SELENON: variants seen among roughly 807,000 people sequenced by gnomAD.
SELENON encodes the protein selenoprotein N, also known as selenoprotein N, 1.
In SELENON, 44 loss-of-function variants were observed where a neutral mutation model predicts 59.5. That is an observed-to-expected ratio of 0.74 (90% confidence interval 0.58 to 0.95). SELENON has a LOEUF of 0.95. Ranked by LOEUF, SELENON falls within the 40% of genes least tolerant of loss-of-function variation. The pLI is 0.00. For missense variants in SELENON, 674 were observed against 721.4 expected (o/e 0.93, Z 0.75); for synonymous variants, 320 against 305.6 (o/e 1.05, Z -0.49).
intron 10 of SELENON, 21 bp from the exon 10 acceptor site, chr1:25,813,860 C>T (rs368403130): frequency 2.5e-6 from 4 of 1,602,036 alleles, no homozygotes; most frequent in Middle Eastern, 1.7e-4. Flanking sequence ...GGGCGCCTCA[C>T]CCTTCTGTCT....
At chr1:25,812,654 T>C (rs2047975525) in intron 9 of SELENON, 33 bp from the exon 9 acceptor site, 3 of 1,575,504 alleles carry the variant, frequency 1.9e-6, no homozygotes, top group Non-Finnish European at 1.7e-6. Context: ...GCCGCTTTGA[T>C]GATGGCTTCG....
Position 25,814,130 on chromosome 1 carries a change from G to T in SELENON, c.1554G>T (p.Lys518Asn). ...AGCTGGCTGGCCTGCACCTGGAGAAGTACAGCTTCCCCGTGGAGATGATGA... is the reference window on the plus strand; with the variant it reads ...AGCTGGCTGGCCTGCACCTGGAGAATTACAGCTTCCCCGTGGAGATGATGA... Residue 518 changes from lysine to asparagine, a missense_variant, in exon 12 of 13, where the codon AAG becomes AAT. Transcript: ENST00000361547. 1 of 1,614,208 alleles carries T rather than the reference G, an allele frequency of 6.2e-7. No individual in the cohort carries two copies. The highest frequency in any genetic ancestry group is 1.1e-5 in the South Asian group (1 of 91,086).
chr1:25,805,417 T>C, intron 4 of SELENON, 142 bp downstream of exon 3: 1 of 1,141,636 alleles, frequency 8.8e-7, no homozygotes, highest in South Asian at 1.3e-5. Context: ...ATGTTGTCCC[T>C]GCTGTCCAGG....
At chr1:25,806,503 G>A (rs2124443831) in intron 4 of SELENON, among the ~76,000 whole-genome samples, 1 of 152,264 alleles carries the variant, frequency 6.6e-6, no homozygotes, top group Middle Eastern at 3.4e-3. Flanking sequence ...GCTCCTCATG[G>A]ACAGTGGGTG....
Position 25,814,280 on chromosome 1 carries a change from T to C in SELENON, c.1602+102T>C, listed in dbSNP as rs2047992274. 1.1e-5 allele frequency: 9 copies of C among 855,304 alleles called. No individual in the cohort carries two copies. In the Admixed American group the frequency reaches 1.8e-4, roughly 17 times the overall value. The allele number at this position is 855,304 out of a possible 1,614,324, so 53.0% of individuals were successfully genotyped here. ...TGCAGACTTCATCAGGCTTCGGGAC[T>C]GTCCCTGCCACTTCCTGGCTGCAAA... On this transcript the variant is annotated intron_variant, in intron 12 of 12. Transcript: ENST00000361547.
In SELENON at chr1:25,817,802, G is replaced by C. The variant is rs1203022563; in HGVS notation, c.*2084G>C. ...GTGGAAAGGAAGGCCTTTCAAACCA[G>C]AGTGTCTCACTCCCCTCTGACCTCC... On this transcript the variant is annotated 3_prime_UTR_variant, in exon 13 of 13. Transcript: ENST00000361547. The C allele has an allele frequency of 6.6e-6, 1 of 152,274 alleles. No individual in the cohort carries two copies. The highest frequency in any genetic ancestry group is 2.4e-5 in the African/African-American group (1 of 41,450). The allele number at this position is 152,274 out of a possible 1,614,324, so 9.4% of individuals were successfully genotyped here. A position where few individuals can be genotyped will look rare whatever the true frequency, so the allele number is the denominator to read the frequency against.
In SELENON at chr1:25,805,107, A is replaced by G. The variant is rs772622182; in HGVS notation, c.404-35A>G. ...GAGGGAGAGGTGAGCCCTGTAGCAT[A>G]AGGGCAGTGCCTCTCCGATGTCTGT... On this transcript the variant is annotated intron_variant, in intron 3 of 12. Coordinates refer to ENST00000361547, the MANE Select transcript of SELENON (RefSeq NM_020451.3). The G allele has an allele frequency of 6.2e-6, 10 of 1,611,678 alleles. No homozygotes were observed. In the South Asian group the frequency reaches 1.1e-4, roughly 18 times the overall value.
chr1:25,809,196 C>T (rs369765850), intron 6 of SELENON, 46 bp downstream of exon 5: 51 of 1,612,094 alleles, frequency 3.2e-5, no homozygotes, highest in African/African-American at 4.0e-5. Context: ...GGAGGCATGA[C>T]GGTACAGCGC....
At chr1:25,812,556 TACACACAAACACACACACACACACAC>T (rs1387172624) in intron 9 of SELENON, 105 bp from the exon 9 acceptor site, 11 of 527,904 alleles carry the variant, frequency 2.1e-5, no homozygotes, top group African/African-American at 2.0e-4. Context: ...TATATATGCC[TACACACAAACACACACACACACACAC>T]ACACACACAC....
Position 25,802,023 on chromosome 1 carries a change from T to C in SELENON, c.309T>C (p.Cys103=). The C allele has an allele frequency of 7.8e-6, 2 of 256,148 alleles. No individual in the cohort carries two copies. Among genetic ancestry groups the C allele is most frequent in the South Asian group, 7.1e-5 (2 of 28,326 alleles). The allele number at this position is 256,148 out of a possible 1,614,324, so 15.9% of individuals were successfully genotyped here. A position where few individuals can be genotyped will look rare whatever the true frequency, so the allele number is the denominator to read the frequency against. Reference sequence around the variant, plus strand: ...TTTTTTTTTTTGAGACAGGGTCTTGTTCTGTCACCCAGACTGGAGTGCAGT... The same window carrying C: ...TTTTTTTTTTTGAGACAGGGTCTTGCTCTGTCACCCAGACTGGAGTGCAGT... Residue 103 remains cysteine, a synonymous_variant, in exon 3 of 13, where the codon TGT becomes TGC. Transcript: ENST00000361547.
At chr1:25,813,454 C>T (rs1175038265) in intron 10 of SELENON, 8 of 353,622 alleles carry the variant, frequency 2.3e-5, no homozygotes, top group East Asian at 1.5e-4. Context: ...GGGGACAGTC[C>T]AGAGTGGCAC....
chr1:25,811,970 G>A (rs1283612457), intron 9 of SELENON, 91 bp downstream of exon 8: 1 of 1,318,894 alleles, frequency 7.6e-7, no homozygotes, highest in Non-Finnish European at 1.1e-6. Flanking sequence ...ACGCTGGTAT[G>A]TGTGCAGGGC....
Position 25,809,018 on chromosome 1 carries a change from G to A in SELENON, c.748-8G>A, listed in dbSNP as rs549094174. ...AGCAAGCCAGTACGTGCCTCCCGCC[G>A]CCCCCAGGTCATCATCCACCGGCTC... is the stretch of plus-strand genomic sequence containing the variant. On this transcript the variant is annotated splice_polypyrimidine_tract_variant and splice_region_variant and intron_variant, in intron 5 of 12. Transcript: ENST00000361547. The A allele has an allele frequency of 2.8e-5, 45 of 1,613,514 alleles. No individual in the cohort carries two copies. Among genetic ancestry groups the A allele is most frequent in the African/African-American group, 1.1e-4 (8 of 75,050 alleles).
intron 9 of SELENON, 131 bp from the exon 9 acceptor site, chr1:25,812,556 T>TACACACAA (rs772476061): frequency 5.7e-6 from 3 of 527,876 alleles, no homozygotes; most frequent in Non-Finnish European, 9.9e-6. Context: ...TATATATGCC[T>TACACACAA]ACACACAAAC....
rs754933685 is a variant in SELENON, at chr1:25,809,167, G to T, written c.872+17G>T. Reference sequence around the variant, plus strand: ...GATGTTCCGGTGAGTGGGCCACACTGGCTGGCCTGGAGCACCGGGGAGGCA... The same window carrying T: ...GATGTTCCGGTGAGTGGGCCACACTTGCTGGCCTGGAGCACCGGGGAGGCA... On this transcript the variant is annotated intron_variant, in intron 6 of 12. Transcript: ENST00000361547. 6.2e-7 allele frequency: 1 copy of T among 1,613,458 alleles called. No individual in the cohort carries two copies.
In SELENON at chr1:25,807,129, A is replaced by G. The variant is rs2047914640; in HGVS notation, c.538-1451A>G. On this transcript the variant is annotated intron_variant, in intron 4 of 12. Coordinates refer to ENST00000361547, the MANE Select transcript of SELENON (RefSeq NM_020451.3). The surrounding 1 kb of genome is among the most constrained non-coding windows in gnomAD (Gnocchi z 4.5). Reference sequence around the variant, plus strand: ...ATAGGGATTACAGGTGTGAGCCACCATGCCCGGCCGGGAGCCCCTTTCTTA... The same window carrying G: ...ATAGGGATTACAGGTGTGAGCCACCGTGCCCGGCCGGGAGCCCCTTTCTTA... Among the ~76,000 whole-genome samples, 1 of 152,082 alleles carries G rather than the reference A, an allele frequency of 6.6e-6. No homozygotes were observed. The highest frequency in any genetic ancestry group is 2.1e-4 in the South Asian group (1 of 4,826).
rs1337830180 is a variant in SELENON at position 25,809,106 on chromosome 1, C to T, written c.828C>T (p.Ala276=). 1.9e-6 allele frequency: 3 copies of T among 1,613,808 alleles called. No individual in the cohort carries two copies. Among genetic ancestry groups the T allele is most frequent in the Non-Finnish European group, 1.7e-6 (2 of 1,180,030 alleles). ...GCTTTGCCCCTCAGGGAGCTGTGGC[C>T]TGCCTGACTGCCATCAGCGACTTCT... Residue 276 remains alanine, a synonymous_variant, in exon 6 of 13, where the codon GCC becomes GCT. Coordinates refer to ENST00000361547, the MANE Select transcript of SELENON (RefSeq NM_020451.3).
In SELENON at chr1:25,813,952, A is replaced by G; in HGVS notation, c.1459A>G (p.Ile487Val). 6.2e-7 allele frequency: 1 copy of G among 1,614,176 alleles called. No homozygotes were observed. The highest frequency in any genetic ancestry group is 8.5e-7 in the Non-Finnish European group (1 of 1,180,032). Residue 487 changes from isoleucine (I) to valine (V), a missense_variant, in exon 11 of 13, where the codon ATC becomes GTC. Ile to Val is a conservative substitution (Grantham distance 29). Coordinates refer to ENST00000361547, the MANE Select transcript of SELENON (RefSeq NM_020451.3). ...CCTCACCCTGCTCAACGAGAGCTTC[A>G]TCAGCACCTGGTCCCTGGTGAAGGA...
chr1:25,813,505 C>T, intron 10 of SELENON: 2 of 369,126 alleles, frequency 5.4e-6, no homozygotes, highest in Non-Finnish European at 1.1e-5. Flanking sequence ...TTTGTGAAGA[C>T]AGTGATATTT....
Sources: gnomAD v4.1 joint callset for allele counts (sites outside exome capture counted in the v4.1 genomes callset) on GRCh38, gnomAD v4.1.1 for gene constraint, Gnocchi (gnomAD v3.1) non-coding constraint, MANE v1.5 for transcripts, NCBI Gene and HGNC (gene_info 2026-07-23, HGNC 2026-07-21) for gene names.